Variants in RBM12B observed in about 807,000 individuals in gnomAD.
The protein encoded by RBM12B is RNA binding motif protein 12B, also known as RNA-binding protein 12B.
In RBM12B, 10 loss-of-function variants were observed where a neutral mutation model predicts 34.3. That is an observed-to-expected ratio of 0.29 (90% CI 0.18 to 0.49). RBM12B has a LOEUF of 0.49. Among genes scored for constraint, RBM12B ranks in the 20% least tolerant of loss-of-function variants. RBM12B has a pLI of 0.99. For missense variants in RBM12B, 1,139 were observed against 1,262.7 expected (o/e 0.90, Z 1.48); for synonymous variants, 477 against 437.1 (o/e 1.09, Z -1.14).
At chr8:93,738,135 C>G (rs1812078920) in intron 2 of RBM12B, among the ~76,000 whole-genome samples, 1 of 152,266 alleles carries the variant, frequency 6.6e-6, no homozygotes, top group Middle Eastern at 3.4e-3. Flanking sequence ...ACTACAATAT[C>G]CCTAAAGTTA....
rs913494601 is a variant in RBM12B at position 93,735,949 on chromosome 8, A to G, written c.462T>C (p.Asn154=). The change falls in exon 4 of 4, where the codon AAT becomes AAC. Residue 154 remains asparagine, a synonymous_variant. Transcript: ENST00000520560. ...PRKTRPLKAE[N]PYLFLRGLPY... is the part of the protein sequence containing the mutation. ...GCAAACCTCGTAGAAACAAGTAAGGATTCTCGGCCTTCAATGGCCTTGTCT... is the reference window on the plus strand; with the variant it reads ...GCAAACCTCGTAGAAACAAGTAAGGGTTCTCGGCCTTCAATGGCCTTGTCT... 13 of 1,614,106 alleles carry G rather than the reference A, an allele frequency of 8.1e-6. No homozygotes were observed. In the African/African-American group the frequency reaches 1.1e-4, roughly 13 times the overall value.
rs767829284 is a variant in RBM12B, at chr8:93,735,679, A to G, written c.732T>C (p.Gly244=). Residue 244 remains glycine, a synonymous_variant, in exon 4 of 4, where the codon GGT becomes GGC. Coordinates refer to ENST00000520560, the MANE Select transcript of RBM12B (RefSeq NM_001377960.1). ...IEFGGNAVKE[G]DVLRRSEEHS... Reference sequence around the variant, plus strand: ...GTTCTTCAGATCTCCTAAGAACGTCACCCTCCTTAACTGCATTACCACCAA... The same window carrying G: ...GTTCTTCAGATCTCCTAAGAACGTCGCCCTCCTTAACTGCATTACCACCAA... 8.1e-6 allele frequency: 13 copies of G among 1,613,926 alleles called. No individual in the cohort carries two copies. The South Asian group carries it at 1.1e-4, about 14-fold the overall frequency.
intron 2 of RBM12B, chr8:93,740,287 G>T: frequency 2.2e-6 from 1 of 456,948 alleles, no homozygotes; most frequent in Non-Finnish European, 4.4e-6. Flanking sequence ...CCTCAAACGG[G>T]AATCATCCGA....
At position 93,733,420 on chromosome 8, in the gene RBM12B, C is replaced by G. The variant is rs375433313; in HGVS notation, c.2991G>C (p.Lys997Asn). Reference sequence around the variant, plus strand: ...TGCTCTCTCTCTACAGCAAAGTTAACTTAACTTTTCGGGGCCCAACTGGCC... The same window carrying G: ...TGCTCTCTCTCTACAGCAAAGTTAAGTTAACTTTTCGGGGCCCAACTGGCC... Reference protein sequence around the residue: ...NDRPVGPRKVKLTLL With the variant: ...NDRPVGPRKVNLTLL Residue 997 changes from lysine (K) to asparagine (N), a missense_variant, in exon 4 of 4, where the codon AAG becomes AAC. By Grantham distance (94) the Lys-to-Asn change is moderately conservative. This residue lies in a region of RBM12B where 60 missense variants were observed against 101.0 expected (regional missense o/e 0.59). Coordinates refer to ENST00000520560, the MANE Select transcript of RBM12B (RefSeq NM_001377960.1). 70 of 1,538,148 alleles carry G rather than the reference C, an allele frequency of 4.6e-5. No homozygotes were observed. The highest frequency in any genetic ancestry group is 2.0e-4 in the East Asian group (9 of 44,148).
In RBM12B at chr8:93,734,182, A is replaced by G. The variant is rs1811912297; in HGVS notation, c.2229T>C (p.Pro743=). 6.4e-7 allele frequency: 1 copy of G among 1,571,076 alleles called. No homozygotes were observed. The highest frequency in any genetic ancestry group is 8.6e-7 in the Non-Finnish European group (1 of 1,160,076). Reference sequence around the variant, plus strand: ...GGGGAGGCCGCCTAAAATGCTCTGGAGGTGGTCTCCGGAAATGCTCTGGGG... The same window carrying G: ...GGGGAGGCCGCCTAAAATGCTCTGGGGGTGGTCTCCGGAAATGCTCTGGGG... The part of the protein sequence containing the change: ...RPPPEHFRRP[P]PEHFRRPPPE... The change falls in exon 4 of 4, where the codon CCT becomes CCC. Residue 743 remains proline (P), a synonymous_variant. Coordinates refer to ENST00000520560, the MANE Select transcript of RBM12B (RefSeq NM_001377960.1).
rs1334999135 is a variant in RBM12B at position 93,735,300 on chromosome 8, C to CGTT, written c.1110_1111insAAC (p.Tyr370_Glu371insAsn). ...TCTAGTGACCCTGATCTCTTCTTTT[C>CGTT]ATAACGTGCAATGAACTTCAGCATT... On this transcript the variant is annotated inframe_insertion, in exon 4 of 4. Transcript: ENST00000520560. The CGTT allele has an allele frequency of 1.2e-6, 2 of 1,613,874 alleles. No homozygotes were observed. The highest frequency in any genetic ancestry group is 1.7e-6 in the Non-Finnish European group (2 of 1,180,006).
chr8:93,728,409 C>T lies in RBM12B; in HGVS notation c.*4996G>A. 1 of 639,732 alleles carries T rather than the reference C, an allele frequency of 1.6e-6. No homozygotes were observed. Among genetic ancestry groups the T allele is most frequent in the East Asian group, 3.4e-5 (1 of 29,688 alleles). 39.6% of individuals were successfully genotyped at this position (639,732 alleles called of 1,614,324 possible). A position where few individuals can be genotyped will look rare whatever the true frequency, so the allele number is the denominator to read the frequency against. On this transcript the variant is annotated 3_prime_UTR_variant, in exon 4 of 4. Transcript: ENST00000520560. ...CCTCAAAGTGAAGTCCAACTGGAAA[C>T]AGAAAAATAATTAAAGGAAACTTAT...
chr8:93,734,883 A>AATGGGAATGGTCACCTCGCTC lies in RBM12B; in HGVS notation c.1507_1527dup (p.Glu503_His509dup), dbSNP rs752965701. 1 of 1,614,044 alleles carries AATGGGAATGGTCACCTCGCTC rather than the reference A, an allele frequency of 6.2e-7. No homozygotes were observed. Among genetic ancestry groups the AATGGGAATGGTCACCTCGCTC allele is most frequent in the South Asian group, 1.1e-5 (1 of 91,070 alleles). On this transcript the variant is annotated inframe_insertion, in exon 4 of 4. Coordinates refer to ENST00000520560, the MANE Select transcript of RBM12B (RefSeq NM_001377960.1). Reference sequence around the variant, plus strand: ...ATTGGTGGGTCTTTTGAGTCAAATAAATGGGAATGGTCACCTCGCTCACGT... The same window carrying AATGGGAATGGTCACCTCGCTC: ...ATTGGTGGGTCTTTTGAGTCAAATAAATGGGAATGGTCACCTCGCTCATGGGAATGGTCACCTCGCTCACGT...
chr8:93,737,119 C>A (rs1185884094), intron 3 of RBM12B, among the ~76,000 whole-genome samples, 188 bp downstream of exon 3: 1 of 152,100 alleles, frequency 6.6e-6, no homozygotes, highest in Non-Finnish European at 1.5e-5. Context: ...GGAAGACTGC[C>A]TGAGCCCAAT....
In RBM12B at chr8:93,728,272, C is replaced by T; in HGVS notation, c.*5133G>A. 2 of 1,588,534 alleles carry T rather than the reference C, an allele frequency of 1.3e-6. No homozygotes were observed. Among genetic ancestry groups the T allele is most frequent in the East Asian group, 2.3e-5 (1 of 43,488 alleles). On this transcript the variant is annotated 3_prime_UTR_variant, in exon 4 of 4. Coordinates refer to ENST00000520560, the MANE Select transcript of RBM12B (RefSeq NM_001377960.1). ...GATGAGGATGACGAGTTAGATGTTA[C>T]AGAAGAAGAAAATTTTCTTAAGTAA...
In RBM12B at chr8:93,735,264, G is replaced by T. The variant is rs994926635; in HGVS notation, c.1147C>A (p.Pro383Thr). The T allele has an allele frequency of 6.2e-7, 1 of 1,613,892 alleles. No individual in the cohort carries two copies. ...GAGTATTTTTGTGAAACATGTCCGG[G>T]CCTATCTCTCTCTAGTGACCCTGAT... The part of the protein sequence containing the change: ...KRSGSLERDR[P>T]GHVSQKYSQE... The change falls in exon 4 of 4, where the codon CCC (proline) becomes ACC (threonine). Residue 383 changes from proline to threonine, a missense_variant. Physicochemically the swap from Pro to Thr is conservative, Grantham distance 38. Coordinates refer to ENST00000520560, the MANE Select transcript of RBM12B (RefSeq NM_001377960.1).
chr8:93,734,915 G>A lies in RBM12B; in HGVS notation c.1496C>T (p.Ser499Leu). 5 of 1,614,002 alleles carry A rather than the reference G, an allele frequency of 3.1e-6. No homozygotes were observed. The highest frequency in any genetic ancestry group is 4.2e-6 in the Non-Finnish European group (5 of 1,179,954). The change falls in exon 4 of 4, where the codon TCA becomes TTA. Residue 499 changes from serine (S) to leucine (L), a missense_variant. By Grantham distance (145) the Ser-to-Leu change is moderately radical. This residue lies in a region of RBM12B where 863 missense variants were observed against 869.5 expected (regional missense o/e 0.99). Transcript: ENST00000520560. ...ATGGTCACCTCGCTCACGTGACTGT[G>A]AGCGAGCTTGCATTTTTTCACTGGA... The part of the protein sequence containing the change: ...VMSSEKMQAR[S>L]QSRERGDHSH...
chr8:93,733,365 T>C lies in RBM12B; in HGVS notation c.*40A>G. On this transcript the variant is annotated 3_prime_UTR_variant, in exon 4 of 4. Transcript: ENST00000520560. ...AAACAAATGTATTTTACTCCATCAATACTGCAAGGAAGATAACTGAATTTA... is the reference window on the plus strand; with the variant it reads ...AAACAAATGTATTTTACTCCATCAACACTGCAAGGAAGATAACTGAATTTA... 6.8e-7 allele frequency: 1 copy of C among 1,467,674 alleles called. No homozygotes were observed. The highest frequency in any genetic ancestry group is 9.0e-7 in the Non-Finnish European group (1 of 1,105,868). 90.9% of individuals were successfully genotyped at this position (1,467,674 alleles called of 1,614,324 possible).
chr8:93,739,096 C>T (rs531199487), intron 2 of RBM12B: 171 of 152,304 alleles, frequency 1.1e-3, no homozygotes, highest in African/African-American at 3.8e-3. Context: ...GGAATACTTA[C>T]TTTATCCATA....
At position 93,734,228 on chromosome 8, in the gene RBM12B, T is replaced by C. The variant is rs867210430; in HGVS notation, c.2183A>G (p.Gln728Arg). 1 of 1,604,468 alleles carries C rather than the reference T, an allele frequency of 6.2e-7. No individual in the cohort carries two copies. Among genetic ancestry groups the C allele is most frequent in the Non-Finnish European group, 8.5e-7 (1 of 1,174,564 alleles). ...SPQEHFRRPP[Q>R]EHFRRPPPEH... ...TGGGGGTGGCCGACGGAAATGCTCC[T>C]GAGGTGGCCTCCGGAAATGCTCCTG... The change falls in exon 4 of 4, where the codon CAG becomes CGG. Residue 728 changes from glutamine to arginine, a missense_variant. Around this residue, in one of 3 missense-constraint regions of RBM12B, gnomAD observed 863 missense variants for 869.5 expected, o/e 0.99. Transcript: ENST00000520560.
rs1413052311 is a variant in RBM12B, at chr8:93,728,349, A to T, written c.*5056T>A. On this transcript the variant is annotated 3_prime_UTR_variant, in exon 4 of 4. Transcript: ENST00000520560. ...ATGACTTGAAATCCACAATGACTAA[A>T]TTGTAGAACTTTATACTCACTTTGC... 2.5e-6 allele frequency: 3 copies of T among 1,196,258 alleles called. No individual in the cohort carries two copies. Among genetic ancestry groups the T allele is most frequent in the Non-Finnish European group, 3.6e-6 (3 of 832,388 alleles). 74.1% of individuals were successfully genotyped at this position (1,196,258 alleles called of 1,614,324 possible). A position where few individuals can be genotyped will look rare whatever the true frequency, so the allele number is the denominator to read the frequency against.
chr8:93,738,184 G>C (rs1489351566), intron 2 of RBM12B, among the ~76,000 whole-genome samples: 7 of 152,112 alleles, frequency 4.6e-5, no homozygotes, highest in Non-Finnish European at 8.8e-5. Flanking sequence ...AATAGTAACT[G>C]TTACAATTCA....
intron 2 of RBM12B, among the ~76,000 whole-genome samples, 167 bp from the exon 3 acceptor site, chr8:93,737,522 T>C (rs1812057512): frequency 6.6e-6 from 1 of 152,180 alleles, no homozygotes; most frequent in South Asian, 2.1e-4. Flanking sequence ...GGGAAATTAA[T>C]CATCCTTCTG....
chr8:93,735,208 G>C lies in RBM12B; in HGVS notation c.1203C>G (p.Cys401Trp). 1.2e-6 allele frequency: 2 copies of C among 1,614,052 alleles called. No homozygotes were observed. The highest frequency in any genetic ancestry group is 1.7e-6 in the Non-Finnish European group (2 of 1,180,032). Residue 401 changes from cysteine to tryptophan, a missense_variant, in exon 4 of 4, where the codon TGC (cysteine) becomes TGG (tryptophan). This residue lies in a region of RBM12B where 863 missense variants were observed against 869.5 expected (regional missense o/e 0.99). Coordinates refer to ENST00000520560, the MANE Select transcript of RBM12B (RefSeq NM_001377960.1). ...CAAATGGAAAATTTCTTATATAGAT[G>C]CACAGTTTCTGGCCAGAGTTACCTT... ...SQEGNSGQKLCIYIRNFPFDV... is the reference protein window; with the variant it reads ...SQEGNSGQKLWIYIRNFPFDV...
Sources: allele counts gnomAD v4.1 joint callset (sites outside exome capture counted in the v4.1 genomes callset), GRCh38; gene constraint gnomAD v4.1.1; regional missense constraint gnomAD v4.1.1; transcripts MANE v1.5; gene names NCBI Gene and HGNC (gene_info 2026-07-23, HGNC 2026-07-21).